TRIM71: variants seen among roughly 807,000 people sequenced by gnomAD.
The protein encoded by TRIM71 is E3 ubiquitin-protein ligase TRIM71.
A neutral mutation model predicts 61.2 loss-of-function variants in TRIM71; 9 were observed. That is an observed-to-expected ratio of 0.15 (90% CI 0.09 to 0.26). The LOEUF is 0.26. Among genes scored for constraint, TRIM71 ranks in the 10% least tolerant of loss-of-function variants. The probability of loss-of-function intolerance (pLI) is 1.00; values close to 1 mark genes in which losing one functional copy is unlikely to be tolerated. For missense variants in TRIM71, 998 were observed against 1,238.7 expected (o/e 0.81, Z 2.92); for synonymous variants, 645 against 553.2 (o/e 1.17, Z -2.33).
intron 1 of TRIM71, among the ~76,000 whole-genome samples, chr3:32,856,041 G>A (rs779997737): frequency 1.3e-5 from 2 of 151,784 alleles, no homozygotes; most frequent in East Asian, 1.9e-4. Context: ...TGTTTGAGAC[G>A]GAGTCTCGCT....
At chr3:32,839,272 C>T (rs1284702377) in intron 1 of TRIM71, among the ~76,000 whole-genome samples, 2 of 151,850 alleles carry the variant, frequency 1.3e-5, no homozygotes, top group Non-Finnish European at 2.9e-5. Flanking sequence ...ATTTGGTCAC[C>T]AAGGCTGGAG....
At chr3:32,827,698 A>G (rs1179118603) in intron 1 of TRIM71, among the ~76,000 whole-genome samples, 1 of 152,196 alleles carries the variant, frequency 6.6e-6, no homozygotes, top group Non-Finnish European at 1.5e-5. Context: ...AGTTGTGTAG[A>G]CTGAGGACAT....
At position 32,896,184 on chromosome 3, in the gene TRIM71, A is replaced by G. The variant is rs932987678; in HGVS notation, c.*4373A>G. On this transcript the variant is annotated 3_prime_UTR_variant, in exon 4 of 4. Coordinates refer to ENST00000383763, the MANE Select transcript of TRIM71 (RefSeq NM_001039111.3). ...TTTCTCTTCAAGAGAAAAATATTTTATCTGTATTTCGAATGTCTGCAAATA... is the reference window on the plus strand; with the variant it reads ...TTTCTCTTCAAGAGAAAAATATTTTGTCTGTATTTCGAATGTCTGCAAATA... The G allele has an allele frequency of 2.0e-5, 3 of 152,230 alleles. No individual in the cohort carries two copies. Among genetic ancestry groups the G allele is most frequent in the African/African-American group, 7.2e-5 (3 of 41,460 alleles). 9.4% of individuals were successfully genotyped at this position (152,230 alleles called of 1,614,324 possible). A position where few individuals can be genotyped will look rare whatever the true frequency, so the allele number is the denominator to read the frequency against.
At chr3:32,864,636 C>T (rs531280747) in intron 1 of TRIM71, among the ~76,000 whole-genome samples, 19 of 152,292 alleles carry the variant, frequency 1.2e-4, no homozygotes, top group South Asian at 1.0e-3. Flanking sequence ...GGTCCTGACA[C>T]CCCAGTGCCC....
intron 2 of TRIM71, among the ~76,000 whole-genome samples, chr3:32,882,476 C>G (rs1243189705): frequency 2.6e-5 from 4 of 152,112 alleles, no homozygotes; most frequent in African/African-American, 7.2e-5. Context: ...TGTGACTCTT[C>G]AAACTACATG....
intron 2 of TRIM71, among the ~76,000 whole-genome samples, chr3:32,877,482 C>T (rs914816865): frequency 2.0e-5 from 3 of 151,796 alleles, no homozygotes; most frequent in South Asian, 2.1e-4. Flanking sequence ...TGGCCTCCCA[C>T]GTAGCTAGGA....
intron 1 of TRIM71, among the ~76,000 whole-genome samples, chr3:32,847,456 A>G (rs1164331520): frequency 6.6e-6 from 1 of 152,098 alleles, no homozygotes; most frequent in East Asian, 1.9e-4. Flanking sequence ...TGGCCTCCCA[A>G]AGTGCCGGGA....
Position 32,854,004 on chromosome 3 carries a change from CAAAA to C in TRIM71, c.853-19804_853-19801del, listed in dbSNP as rs571008559. 3.6e-3 allele frequency among the ~76,000 whole-genome samples: 481 copies of C among 134,220 alleles called. 3 individuals carry two copies. The highest frequency in any genetic ancestry group is 0.013 in the African/African-American group (462 of 36,776). 88.1% of individuals were successfully genotyped at this position (134,220 alleles called of 152,430 possible). On this transcript the variant is annotated intron_variant, in intron 1 of 3. Coordinates refer to ENST00000383763, the MANE Select transcript of TRIM71 (RefSeq NM_001039111.3). ...GGGTGACAGAGCGAGACTCCCATCT[CAAAA>C]AAAAAAAAAGGAAAGAAAAGTCTTG... is the stretch of plus-strand genomic sequence containing the variant.
chr3:32,838,522 CTTT>C (rs11361989), intron 1 of TRIM71, among the ~76,000 whole-genome samples: 202 of 136,694 alleles, frequency 1.5e-3, no homozygotes, highest in East Asian at 5.8e-3. Flanking sequence ...TGCACCTGGC[CTTT>C]TTTTTTTTTT....
intron 1 of TRIM71, among the ~76,000 whole-genome samples, chr3:32,834,420 T>C (rs1696308944): frequency 6.6e-6 from 1 of 152,148 alleles, no homozygotes; most frequent in African/African-American, 2.4e-5. Flanking sequence ...TGCAGCTTTA[T>C]TGTTGGTTTA....
chr3:32,869,982 G>A (rs1364252838), intron 1 of TRIM71, among the ~76,000 whole-genome samples: 1 of 152,172 alleles, frequency 6.6e-6, no homozygotes, highest in African/African-American at 2.4e-5. Flanking sequence ...CCCTTTCCCG[G>A]GAGCCGCTGT....
In TRIM71 at chr3:32,818,636, G is replaced by A. The variant is rs1298420890; in HGVS notation, c.556G>A (p.Ala186Thr). 1.6e-5 allele frequency: 24 copies of A among 1,462,788 alleles called. No homozygotes were observed. The highest frequency in any genetic ancestry group is 2.0e-5 in the Non-Finnish European group (22 of 1,116,592). The allele number at this position is 1,462,788 out of a possible 1,614,324, so 90.6% of individuals were successfully genotyped here. A position where few individuals can be genotyped will look rare whatever the true frequency, so the allele number is the denominator to read the frequency against. Reference sequence around the variant, plus strand: ...CCGCTCGGCACCCGGCGGCCCTGCCGCTTCCCCGTCGGCGCTGCTGCTCCG... The same window carrying A: ...CCGCTCGGCACCCGGCGGCCCTGCCACTTCCCCGTCGGCGCTGCTGCTCCG... ...PSRSAPGGPA[A>T]SPSALLLRRP... The change falls in exon 1 of 4, where the codon GCT becomes ACT. Residue 186 changes from alanine to threonine, a missense_variant. By Grantham distance (58) the Ala-to-Thr change is moderately conservative. Transcript: ENST00000383763.
intron 1 of TRIM71, among the ~76,000 whole-genome samples, chr3:32,867,846 C>T (rs1696754879): frequency 6.6e-6 from 1 of 152,084 alleles, no homozygotes; most frequent in Non-Finnish European, 1.5e-5. Context: ...TTTTCCAGAG[C>T]ATCGTCTTGG....
chr3:32,864,645 C>T (rs1696709415), intron 1 of TRIM71, among the ~76,000 whole-genome samples: 1 of 152,190 alleles, frequency 6.6e-6, no homozygotes, highest in African/African-American at 2.4e-5. Context: ...ACCCCAGTGC[C>T]CCCAGGGGCA....
At chr3:32,861,656 GC>G (rs1270137917) in intron 1 of TRIM71, among the ~76,000 whole-genome samples, 1 of 152,106 alleles carries the variant, frequency 6.6e-6, no homozygotes, top group Admixed American at 6.5e-5. Context: ...CGCTCATTTT[GC>G]CTTTTACTTA....
At chr3:32,859,886 C>CT (rs1696645593) in intron 1 of TRIM71, among the ~76,000 whole-genome samples, 1 of 152,036 alleles carries the variant, frequency 6.6e-6, no homozygotes, top group Non-Finnish European at 1.5e-5. Context: ...CTGAATTGAT[C>CT]TTTTTGCGGT....
chr3:32,863,561 C>T (rs996020278), intron 1 of TRIM71, among the ~76,000 whole-genome samples: 1 of 152,156 alleles, frequency 6.6e-6, no homozygotes, highest in Non-Finnish European at 1.5e-5. Flanking sequence ...TTTTCTTCCA[C>T]GTTGAGTTTT....
intron 1 of TRIM71, among the ~76,000 whole-genome samples, chr3:32,840,225 A>AC (rs1399187285): frequency 7.0e-6 from 1 of 142,320 alleles, no homozygotes; most frequent in Non-Finnish European, 1.5e-5. Flanking sequence ...CCTTTTCCCC[A>AC]CCCCCCTTCC....
chr3:32,852,233 G>A (rs1267892678), intron 1 of TRIM71, among the ~76,000 whole-genome samples: 3 of 152,094 alleles, frequency 2.0e-5, no homozygotes, highest in East Asian at 1.9e-4. Flanking sequence ...AAACTGGAGC[G>A]CCGGAGGCAC....
Sources: allele counts gnomAD v4.1 joint callset (sites outside exome capture counted in the v4.1 genomes callset), GRCh38; gene constraint gnomAD v4.1.1; transcripts MANE v1.5; gene names NCBI Gene and HGNC (gene_info 2026-07-23, HGNC 2026-07-21).